The following RBFOX3 variants were observed in gnomAD, a reference collection of about 807,000 sequenced individuals.
The protein encoded by RBFOX3 is RNA binding fox-1 homolog 3, also known as RNA binding protein fox-1 homolog 3.
Under a neutral mutation model 48.7 loss-of-function variants are expected in RBFOX3, and 17 were observed. The observed-to-expected ratio is 0.35, with a 90% CI of 0.24 to 0.52. RBFOX3 has a LOEUF of 0.52. RBFOX3 is among the 20% of genes least tolerant of loss of function. RBFOX3 has a pLI of 0.94. For missense variants in RBFOX3, 382 were observed against 497.5 expected, an observed-to-expected ratio of 0.77 and a Z score of 2.21; for synonymous variants, 212 against 209.5, an observed-to-expected ratio of 1.01 and a Z score of -0.10.
intron 3 of RBFOX3, among the ~76,000 whole-genome samples, chr17:79,244,127 A>T (rs748579436): frequency 1.3e-5 from 2 of 152,128 alleles, no homozygotes; most frequent in Non-Finnish European, 1.5e-5. Context: ...TTCTTTGCAA[A>T]TGTAATTAGT....
chr17:79,559,795 GTGGA>G (rs1310337303), intron 1 of RBFOX3, among the ~76,000 whole-genome samples: 2 of 150,006 alleles, frequency 1.3e-5, no homozygotes, highest in African/African-American at 2.5e-5. Flanking sequence ...GGGTAGGTGG[GTGGA>G]TGGATGAACA....
chr17:79,126,354 G>A (rs1413024067), intron 4 of RBFOX3, among the ~76,000 whole-genome samples: 3 of 152,198 alleles, frequency 2.0e-5, no homozygotes, highest in Admixed American at 6.5e-5. Context: ...TGTGGCAGGC[G>A]GCGATTCACA....
intron 2 of RBFOX3, among the ~76,000 whole-genome samples, chr17:79,374,326 C>T (rs962388419): frequency 3.3e-5 from 5 of 152,276 alleles, no homozygotes; most frequent in East Asian, 1.9e-4. Context: ...GGTTTCCAGG[C>T]GAGGGGGCTG....
At chr17:79,405,262 C>CTA (rs1397555070) in intron 2 of RBFOX3, among the ~76,000 whole-genome samples, 1 of 152,200 alleles carries the variant, frequency 6.6e-6, no homozygotes, top group Non-Finnish European at 1.5e-5. Context: ...CGCTGCATCA[C>CTA]ACATCTGAGC....
intron 1 of RBFOX3, among the ~76,000 whole-genome samples, chr17:79,575,731 A>G (rs1370484283): frequency 6.6e-6 from 1 of 152,236 alleles, no homozygotes. Context: ...GACTTCTGAG[A>G]AAGAGCTAAG....
intron 2 of RBFOX3, among the ~76,000 whole-genome samples, chr17:79,412,947 G>A (rs2064703098): frequency 6.6e-6 from 1 of 152,036 alleles, no homozygotes; most frequent in Admixed American, 6.6e-5. Context: ...CTCTGACCCT[G>A]AGCCCCTCTC....
At chr17:79,622,056 A>T in the RBFOX3 span, among the ~76,000 whole-genome samples, 1 of 152,040 alleles carries the variant, frequency 6.6e-6, no homozygotes, top group South Asian at 2.1e-4. Flanking sequence ...AGATCTTTCA[A>T]AAGTAGGGCT....
At chr17:79,438,193 C>T (rs569933386) in intron 2 of RBFOX3, among the ~76,000 whole-genome samples, 106 of 152,306 alleles carry the variant, frequency 7.0e-4, no homozygotes, top group African/African-American at 2.4e-3. Context: ...TCCTTCTGTG[C>T]TGCTGGCCAG....
At chr17:79,426,693 T>TTTTG (rs200466368) in intron 2 of RBFOX3, among the ~76,000 whole-genome samples, 4,484 of 151,886 alleles carry the variant, frequency 0.03, 149 homozygotes, top group African/African-American at 0.077. Context: ...GGTGTGTGTT[T>TTTTG]TTTGTTTGTT....
chr17:79,529,018 C>T (rs1204453373), intron 1 of RBFOX3, among the ~76,000 whole-genome samples: 1 of 152,184 alleles, frequency 6.6e-6, no homozygotes, highest in Non-Finnish European at 1.5e-5. Flanking sequence ...CATAACAGCA[C>T]AGCAGCCTCA....
rs147940347 is a variant in RBFOX3 at position 79,264,970 on chromosome 17, G to T, written c.-73-29165C>A. Reference sequence around the variant, plus strand: ...GAGACCCTCAGTGCGAGAGGAGGGGGGGGGGGCGCAGATTTGTGGCGATCA... The same window carrying T: ...GAGACCCTCAGTGCGAGAGGAGGGGTGGGGGGCGCAGATTTGTGGCGATCA... On this transcript the variant is annotated intron_variant, in intron 3 of 14. Coordinates refer to ENST00000693108, the MANE Select transcript of RBFOX3 (RefSeq NM_001350451.2). 2.3e-3 allele frequency among the ~76,000 whole-genome samples: 353 copies of T among 152,086 alleles called. 8 individuals are homozygous for T. The highest frequency in any genetic ancestry group is 0.02 in the Admixed American group (304 of 15,268).
At chr17:79,637,813 GAAGGGAAGGGAAGGGAAGGGGAA>G in the RBFOX3 span, among the ~76,000 whole-genome samples, 5 of 144,634 alleles carry the variant, frequency 3.5e-5, no homozygotes, top group East Asian at 8.3e-4. Context: ...GAAGGGAAGG[GAAGGGAAGGGAAGGGAAGGGGAA>G]AAGGGAAAGG....
rs1163494730 is a variant in RBFOX3 at position 79,332,192 on chromosome 17, C to T, written c.-174-24368G>A. On this transcript the variant is annotated intron_variant, in intron 2 of 14. Transcript: ENST00000693108. ...CTTGCCATTTCCTGCTCCTTGTCTG[C>T]TGCCGTCTGGGCTGGAATTCTGTCT... 2.0e-5 allele frequency among the ~76,000 whole-genome samples: 3 copies of T among 152,222 alleles called. No homozygotes were observed. The East Asian group carries it at 5.8e-4, about 29-fold the overall frequency.
chr17:79,484,823 G>A (rs1178535272), intron 1 of RBFOX3, among the ~76,000 whole-genome samples: 2 of 152,170 alleles, frequency 1.3e-5, no homozygotes, highest in Admixed American at 1.3e-4. Flanking sequence ...TCTGCACCTA[G>A]CCTCCTCTGA....
rs1259045876 is a variant in RBFOX3, at chr17:79,243,295, A to AG, written c.-73-7491dup. ...TAAACCCTGGAGTGTCAGAGTGAGCAGGGGGCAAACCAACGTGGCCCCAGG... is the reference window on the plus strand; with the variant it reads ...TAAACCCTGGAGTGTCAGAGTGAGCAGGGGGGCAAACCAACGTGGCCCCAGG... On this transcript the variant is annotated intron_variant, in intron 3 of 14. Coordinates refer to ENST00000693108, the MANE Select transcript of RBFOX3 (RefSeq NM_001350451.2). This position sits in a 1 kb window ranked among gnomAD's most constrained non-coding sequence, Gnocchi z 7.9. 6.6e-6 allele frequency among the ~76,000 whole-genome samples: 1 copy of AG among 152,132 alleles called. No homozygotes were observed.
rs1383678158 is a variant in RBFOX3 at position 79,212,916 on chromosome 17, G to A, written c.-34+22850C>T. 2.6e-5 allele frequency among the ~76,000 whole-genome samples: 4 copies of A among 152,078 alleles called. No homozygotes were observed. The highest frequency in any genetic ancestry group is 7.2e-5 in the African/African-American group (3 of 41,414). ...GTTGCCCAGGCTGGAGTGCAGTGGC[G>A]CAATCTCAGATCACTGCAACCTCCG... On this transcript the variant is annotated intron_variant, in intron 4 of 14. Transcript: ENST00000693108. This position sits in a 1 kb window ranked among gnomAD's most constrained non-coding sequence, Gnocchi z 4.7.
intron 1 of RBFOX3, among the ~76,000 whole-genome samples, chr17:79,580,336 T>C (rs967062653): frequency 0.036 from 5,186 of 144,432 alleles, 165 homozygotes; most frequent in East Asian, 0.17. Flanking sequence ...ATTATCCAGA[T>C]TTGATCTATC....
At chr17:79,371,007 T>G (rs907905) in intron 2 of RBFOX3, among the ~76,000 whole-genome samples, 147,491 of 152,044 alleles carry the variant, frequency 0.97, 71,687 homozygotes, top group East Asian at 1. Flanking sequence ...CGGTAGGGGG[T>G]TAGGGAGGGA....
At chr17:79,149,990 TGGGGGTGGGGGTG>T (rs2043977603) in intron 4 of RBFOX3, among the ~76,000 whole-genome samples, 1 of 11,578 alleles carries the variant, frequency 8.6e-5, no homozygotes, top group African/African-American at 2.6e-4. Context: ...GGGATGGGGA[TGGGGGTGGGGGTG>T]GGGGATGGGG....
Sources: gnomAD v4.1 joint callset for allele counts (sites outside exome capture counted in the v4.1 genomes callset) on GRCh38, gnomAD v4.1.1 for gene constraint, Gnocchi (gnomAD v3.1) non-coding constraint, MANE v1.5 for transcripts, NCBI Gene and HGNC (gene_info 2026-07-23, HGNC 2026-07-21) for gene names.